Variants in PTPRB observed in about 807,000 individuals in gnomAD.
PTPRB encodes the protein protein tyrosine phosphatase receptor type B, also known as receptor-type tyrosine-protein phosphatase beta.
Under a neutral mutation model 238.1 loss-of-function variants are expected in PTPRB, and 97 were observed. The ratio of observed to expected loss-of-function variants is 0.41; its 90% CI spans 0.35 to 0.48. The LOEUF (loss-of-function observed/expected upper bound fraction) is 0.48. Ranked by LOEUF, PTPRB falls within the 20% of genes least tolerant of loss-of-function variation. The probability of loss-of-function intolerance (pLI) is 0.30; values close to 1 mark genes in which losing one functional copy is unlikely to be tolerated. For synonymous variants in PTPRB, 970 were observed against 995.4 expected (o/e 0.97, Z 0.48); for missense variants, 2,292 against 2,681.9 (o/e 0.85, Z 3.21).
Position 70,536,100 on chromosome 12 carries a change from A to G in PTPRB, c.6006T>C (p.Asp2002=), listed in dbSNP as rs748711640. ...GTTCCCACACCATTTTCCAGAAGTC[A>G]TCCTTGGTGCCAGGAAGCGGTCCCT... The part of the protein sequence containing the change: ...VTQGPLPGTK[D]DFWKMVWEQN... Residue 2002 remains aspartate, a synonymous_variant, in exon 29 of 34, where the codon GAT becomes GAC. Coordinates refer to ENST00000334414, the MANE Select transcript of PTPRB (RefSeq NM_001109754.4). 6.2e-7 allele frequency: 1 copy of G among 1,613,886 alleles called. No homozygotes were observed. The highest frequency in any genetic ancestry group is 1.1e-5 in the South Asian group (1 of 91,070).
intron 2 of PTPRB, among the ~76,000 whole-genome samples, chr12:70,626,266 T>C (rs1555240720): frequency 7.4e-6 from 1 of 135,360 alleles, no homozygotes; most frequent in Non-Finnish European, 1.6e-5. Context: ...AAACAGGAGA[T>C]ACTTTAGAAA....
intron 3 of PTPRB, among the ~76,000 whole-genome samples, chr12:70,614,007 A>G (rs547350520): frequency 6.6e-6 from 1 of 152,346 alleles, no homozygotes; most frequent in South Asian, 2.1e-4. Context: ...AGGTGGGAAA[A>G]GTGAAGAGAG....
At chr12:70,564,065 C>T (rs572942959) in intron 15 of PTPRB, among the ~76,000 whole-genome samples, 11 of 152,306 alleles carry the variant, frequency 7.2e-5, no homozygotes, top group African/African-American at 2.6e-4. Context: ...ACTGTTCCTC[C>T]AACAGGTCAG....
intron 28 of PTPRB, among the ~76,000 whole-genome samples, chr12:70,537,284 CAAAAAAAAAAA>C (rs58633138): frequency 6.6e-5 from 6 of 90,706 alleles, no homozygotes; most frequent in African/African-American, 1.4e-4. Context: ...AAGACCATCT[CAAAAAAAAAAA>C]AAAAAAAAAA....
Position 70,564,006 on chromosome 12 carries a change from C to T in PTPRB, c.3905-899G>A, listed in dbSNP as rs1044616046. 3.4e-4 allele frequency among the ~76,000 whole-genome samples: 51 copies of T among 152,198 alleles called. 1 individual carries two copies. Among genetic ancestry groups the T allele is most frequent in the African/African-American group, 1.2e-3 (50 of 41,440 alleles). The stretch of plus-strand genomic sequence containing the variant: ...ACCCCCATTACCTGTCCATCTGCAT[C>T]CCCACCACTCATCCTCGCTCACTCT... On this transcript the variant is annotated intron_variant, in intron 15 of 33. Transcript: ENST00000334414.
At chr12:70,547,315 A>C (rs1876134043) in intron 21 of PTPRB, among the ~76,000 whole-genome samples, 1 of 152,244 alleles carries the variant, frequency 6.6e-6, no homozygotes, top group South Asian at 2.1e-4. Flanking sequence ...GGAAACAAGT[A>C]GTCACCACAC....
At chr12:70,540,350 A>G (rs943391500) in intron 23 of PTPRB, 21 of 242,698 alleles carry the variant, frequency 8.7e-5, no homozygotes, top group Non-Finnish European at 1.2e-4. Context: ...AATAAAGAGG[A>G]ACATGTGCCA....
At chr12:70,555,497 T>C (rs1877519762) in intron 19 of PTPRB, among the ~76,000 whole-genome samples, 188 bp from the exon 20 acceptor site, 1 of 152,188 alleles carries the variant, frequency 6.6e-6, no homozygotes, top group African/African-American at 2.4e-5. Context: ...GCAGAGGAAG[T>C]GATTTGCCAG....
intron 2 of PTPRB, among the ~76,000 whole-genome samples, chr12:70,629,926 C>T (rs1012120540): frequency 6.6e-6 from 1 of 152,090 alleles, no homozygotes; most frequent in Non-Finnish European, 1.5e-5. Context: ...AGACCAATAA[C>T]AGGTTCTGAA....
intron 11 of PTPRB, among the ~76,000 whole-genome samples, chr12:70,576,010 T>C (rs1269967107): frequency 6.6e-6 from 1 of 152,104 alleles, no homozygotes; most frequent in Non-Finnish European, 1.5e-5. Context: ...AGGTAAACAG[T>C]TGGGCGAGTT....
chr12:70,608,193 C>G (rs1884123176), intron 4 of PTPRB, among the ~76,000 whole-genome samples: 1 of 152,136 alleles, frequency 6.6e-6, no homozygotes, highest in Non-Finnish European at 1.5e-5. Context: ...AAATTTGAAT[C>G]TCTGGATGAA....
At chr12:70,598,944 G>A (rs757399114) in intron 4 of PTPRB, among the ~76,000 whole-genome samples, 14 of 152,086 alleles carry the variant, frequency 9.2e-5, no homozygotes, top group Non-Finnish European at 1.9e-4. Flanking sequence ...TTGTACATCC[G>A]CTAGAACAAA....
intron 9 of PTPRB, among the ~76,000 whole-genome samples, chr12:70,581,546 ATGCATGCTTATTAAG>A (rs1187990557): frequency 6.6e-6 from 1 of 152,184 alleles, no homozygotes; most frequent in Admixed American, 6.5e-5. Context: ...AGATGAGATG[ATGCATGCTTATTAAG>A]TGGTTTTGAT....
chr12:70,538,035 T>C, intron 28 of PTPRB, 120 bp downstream of exon 28: 3 of 780,758 alleles, frequency 3.8e-6, no homozygotes, highest in Non-Finnish European at 6.0e-6. Context: ...AGATGTGCTC[T>C]TCTGAAATCT....
rs535135325 is a variant in PTPRB, at chr12:70,635,935, C to T, written c.187G>A (p.Val63Ile). 37 of 1,613,694 alleles carry T rather than the reference C, an allele frequency of 2.3e-5. No homozygotes were observed. The South Asian group carries it at 4.0e-4, about 17-fold the overall frequency. The change falls in exon 2 of 34, where the codon GTT (valine) becomes ATT (isoleucine). Residue 63 changes from valine to isoleucine, a missense_variant. Val to Ile is a conservative substitution (Grantham distance 29). Coordinates refer to ENST00000334414, the MANE Select transcript of PTPRB (RefSeq NM_001109754.4). ...ATGGCCAAGCACAGTGCAGATTTAA[C>T]ATGAAGGAGCTTTTCATCCTCAGTC... ...MWTEDEKLLH[V>I]KSALCLAISN... is the part of the protein sequence containing the mutation.
intron 8 of PTPRB, among the ~76,000 whole-genome samples, chr12:70,588,799 A>G (rs1565983470): frequency 6.6e-6 from 1 of 151,448 alleles, no homozygotes; most frequent in Non-Finnish European, 1.5e-5. Flanking sequence ...CTAAAAGAAC[A>G]AAAATTAGCT....
rs569130729 is a variant in PTPRB at position 70,549,127 on chromosome 12, A to G, written c.5387+3650T>C. 2.0e-5 allele frequency among the ~76,000 whole-genome samples: 3 copies of G among 152,368 alleles called. No individual in the cohort carries two copies. The South Asian group carries it at 6.2e-4, about 32-fold the overall frequency. ...CACCCAACAACACGTATTGCCAGATAAGGCAATAAAATGTGCTGAATATAT... is the reference window on the plus strand; with the variant it reads ...CACCCAACAACACGTATTGCCAGATGAGGCAATAAAATGTGCTGAATATAT... On this transcript the variant is annotated intron_variant, in intron 21 of 33. Coordinates refer to ENST00000334414, the MANE Select transcript of PTPRB (RefSeq NM_001109754.4).
At chr12:70,609,484 G>A in intron 3 of PTPRB, 145 bp from the exon 4 acceptor site, 1 of 1,128,144 alleles carries the variant, frequency 8.9e-7, no homozygotes, top group South Asian at 1.6e-5. Context: ...TCTGGCCAGA[G>A]AAGAGGCTTG....
chr12:70,586,575 G>T lies in PTPRB; in HGVS notation c.2311+432C>A, dbSNP rs180804035. On this transcript the variant is annotated intron_variant, in intron 9 of 33. Coordinates refer to ENST00000334414, the MANE Select transcript of PTPRB (RefSeq NM_001109754.4). ...TCCCAATACCTCTTGCCTACTCATG[G>T]AATAACTGCAGCAATTCTTCCCTCT... is the stretch of plus-strand genomic sequence containing the variant. Among the ~76,000 whole-genome samples, 3 of 152,206 alleles carry T rather than the reference G, an allele frequency of 2.0e-5. No homozygotes were observed. The East Asian group carries it at 5.8e-4, about 29-fold the overall frequency.
Sources: allele counts gnomAD v4.1 joint callset (sites outside exome capture counted in the v4.1 genomes callset), GRCh38; gene constraint gnomAD v4.1.1; transcripts MANE v1.5; gene names NCBI Gene and HGNC (gene_info 2026-07-23, HGNC 2026-07-21).